Variants in ASPRV1 observed in about 807,000 individuals in gnomAD.
ASPRV1 encodes retroviral-like aspartic protease 1.
A neutral mutation model predicts 11.0 loss-of-function variants in ASPRV1; 7 were observed. The ratio of observed to expected loss-of-function variants is 0.64; its 90% CI spans 0.36 to 1.20. ASPRV1 has a LOEUF of 1.20. Ranked by LOEUF, ASPRV1 falls within the 50% of genes most tolerant of loss-of-function variation. The pLI is 0.02. For synonymous variants in ASPRV1, 136 were observed against 138.4 expected (o/e 0.98, Z 0.12); for missense variants, 299 against 320.0 (o/e 0.93, Z 0.50).
the ASPRV1 span, among the ~76,000 whole-genome samples, chr2:70,017,808 TGAA>T: frequency 3.9e-5 from 6 of 152,052 alleles, no homozygotes; most frequent in Non-Finnish European, 7.4e-5. Context: ...ATCAAAAAAA[TGAA>T]GAAAACAATC....
the ASPRV1 span, chr2:70,087,345 C>T: frequency 6.6e-5 from 10 of 152,138 alleles, no homozygotes; most frequent in African/African-American, 2.2e-4. Context: ...TTTTTAAGGA[C>T]CATGTAAGGG....
the ASPRV1 span, among the ~76,000 whole-genome samples, chr2:69,937,749 G>A: frequency 1.3e-5 from 2 of 152,162 alleles, no homozygotes; most frequent in Non-Finnish European, 2.9e-5. Flanking sequence ...CAAGCAGCTG[G>A]GATTACAGGC....
the ASPRV1 span, among the ~76,000 whole-genome samples, chr2:70,021,433 C>T: frequency 2.6e-5 from 4 of 151,634 alleles, no homozygotes; most frequent in African/African-American, 9.7e-5. Context: ...ATTCTCCTGC[C>T]TCAGCCTTCC....
the ASPRV1 span, among the ~76,000 whole-genome samples, chr2:69,986,737 G>C: frequency 1.3e-5 from 2 of 152,322 alleles, no homozygotes; most frequent in East Asian, 3.9e-4. Context: ...GCTGGGCCAG[G>C]TGTCACCTTG....
the ASPRV1 span, among the ~76,000 whole-genome samples, chr2:69,997,761 TG>T: frequency 2.6e-5 from 4 of 152,212 alleles, no homozygotes; most frequent in African/African-American, 9.6e-5. Flanking sequence ...CTGACTCAGT[TG>T]ATCTGGCCGG....
chr2:70,013,373 G>C, the ASPRV1 span, among the ~76,000 whole-genome samples: 1 of 152,086 alleles, frequency 6.6e-6, no homozygotes, highest in Non-Finnish European at 1.5e-5. Flanking sequence ...ATCTAAAAAG[G>C]TTATTAAAAT....
the ASPRV1 span, chr2:70,070,232 T>C: frequency 7.3e-6 from 1 of 136,770 alleles, no homozygotes; most frequent in Admixed American, 7.2e-5. Context: ...CACAGGAAAC[T>C]CTAAGCATAA....
the ASPRV1 span, among the ~76,000 whole-genome samples, chr2:70,064,825 G>A: frequency 6.6e-6 from 1 of 152,192 alleles, no homozygotes; most frequent in Non-Finnish European, 1.5e-5. Flanking sequence ...CAGGCACAGT[G>A]GCTCACACCT....
chr2:69,936,948 T>G, the ASPRV1 span: 1 of 547,878 alleles, frequency 1.8e-6, no homozygotes, highest in South Asian at 1.5e-5. Flanking sequence ...CCTGCAGTCT[T>G]TCTGATACTA....
At chr2:70,071,532 A>C in the ASPRV1 span, 1 of 152,148 alleles carries the variant, frequency 6.6e-6, no homozygotes, top group African/African-American at 2.4e-5. Context: ...ACCTGAGGTC[A>C]GGAGTTCCAG....
the ASPRV1 span, among the ~76,000 whole-genome samples, chr2:70,009,799 C>T: frequency 8.5e-5 from 13 of 152,208 alleles, no homozygotes; most frequent in African/African-American, 3.1e-4. Context: ...AGAAGGAAAA[C>T]AGGCACAACA....
chr2:70,028,220 C>T, the ASPRV1 span, among the ~76,000 whole-genome samples: 1 of 152,154 alleles, frequency 6.6e-6, no homozygotes, highest in African/African-American at 2.4e-5. Flanking sequence ...CACCCCAATA[C>T]AGATGAAGAT....
chr2:70,058,979 C>A, the ASPRV1 span, among the ~76,000 whole-genome samples: 4 of 150,450 alleles, frequency 2.7e-5, no homozygotes, highest in Non-Finnish European at 5.9e-5. Context: ...CTCCGCCTCC[C>A]AGGTTCACGC....
the ASPRV1 span, among the ~76,000 whole-genome samples, chr2:70,043,169 C>T: frequency 1.3e-5 from 2 of 152,016 alleles, no homozygotes; most frequent in African/African-American, 2.4e-5. Flanking sequence ...AGCTGTATGC[C>T]TTCTTTGGGA....
chr2:69,941,573 GTTTTGT>G, the ASPRV1 span: 5 of 152,116 alleles, frequency 3.3e-5, no homozygotes, highest in Non-Finnish European at 7.4e-5. Context: ...TGAGTGTTTT[GTTTTGT>G]TTTTATTTTT....
At chr2:69,985,485 A>G in the ASPRV1 span, among the ~76,000 whole-genome samples, 5 of 152,170 alleles carry the variant, frequency 3.3e-5, no homozygotes, top group Non-Finnish European at 5.9e-5. Context: ...TGGTTGTGTC[A>G]AGCCTTTGGG....
the ASPRV1 span, chr2:69,937,342 G>T: frequency 6.2e-7 from 1 of 1,614,076 alleles, no homozygotes; most frequent in Non-Finnish European, 8.5e-7. Flanking sequence ...AGAGGATCCG[G>T]ATGGACAGCA....
chr2:69,946,958 C>T, the ASPRV1 span, among the ~76,000 whole-genome samples: 1 of 152,202 alleles, frequency 6.6e-6, no homozygotes, highest in Admixed American at 6.5e-5. Flanking sequence ...CAGAGGGAAG[C>T]CCTTGCTAAA....
At chr2:70,043,787 C>A in the ASPRV1 span, among the ~76,000 whole-genome samples, 4 of 152,198 alleles carry the variant, frequency 2.6e-5, no homozygotes, top group Admixed American at 6.5e-5. Context: ...AAACCACAGA[C>A]CCAAAGGTCC....
Sources: gnomAD v4.1 joint callset for allele counts (sites outside exome capture counted in the v4.1 genomes callset) on GRCh38, gnomAD v4.1.1 for gene constraint, MANE v1.5 for transcripts, NCBI Gene and HGNC (gene_info 2026-07-23, HGNC 2026-07-21) for gene names.